Variants in RAB7A observed in about 807,000 individuals in gnomAD.
RAB7A encodes RAB7A, member RAS oncogene family, also known as ras-related protein Rab-7a.
RAB7A carries 2 observed loss-of-function variants against 24.5 expected under a neutral mutation model. The ratio of observed to expected loss-of-function variants is 0.08; its 90% CI spans 0.03 to 0.26. The LOEUF is 0.26. RAB7A is among the 10% of genes least tolerant of loss of function. RAB7A has a pLI of 1.00. For missense variants in RAB7A, 118 were observed against 255.7 expected, an observed-to-expected ratio of 0.46 and a Z score of 3.67; for synonymous variants, 100 against 95.9, an observed-to-expected ratio of 1.04 and a Z score of -0.25.
At chr3:128,766,099 G>T (rs1457340443) in intron 1 of RAB7A, among the ~76,000 whole-genome samples, 2 of 152,080 alleles carry the variant, frequency 1.3e-5, no homozygotes, top group African/African-American at 4.8e-5. Flanking sequence ...TGGGCCTTAG[G>T]CTCCAACATA....
Position 128,814,272 on chromosome 3 carries a change from G to C in RAB7A, c.*850G>C, listed in dbSNP as rs547405796. On this transcript the variant is annotated 3_prime_UTR_variant, in exon 6 of 6. Transcript: ENST00000265062. Reference sequence around the variant, plus strand: ...TTATCAAAGACTTAAGAGCCAAAAAGCTTTTCATCTCTCCAGGGGGAAAAC... The same window carrying C: ...TTATCAAAGACTTAAGAGCCAAAAACCTTTTCATCTCTCCAGGGGGAAAAC... 1.3e-5 allele frequency: 2 copies of C among 152,900 alleles called. No homozygotes were observed. The highest frequency in any genetic ancestry group is 4.8e-5 in the African/African-American group (2 of 41,442). The allele number at this position is 152,900 out of a possible 1,614,324, so 9.5% of individuals were successfully genotyped here. A position where few individuals can be genotyped will look rare whatever the true frequency, so the allele number is the denominator to read the frequency against.
chr3:128,754,816 A>G (rs536942561), intron 1 of RAB7A, among the ~76,000 whole-genome samples: 2 of 152,342 alleles, frequency 1.3e-5, no homozygotes, highest in South Asian at 2.1e-4. Context: ...AGGACATTAT[A>G]TATTAATAAA....
intron 1 of RAB7A, among the ~76,000 whole-genome samples, chr3:128,740,146 G>A (rs979545982): frequency 7.9e-5 from 12 of 152,252 alleles, no homozygotes; most frequent in African/African-American, 9.6e-5. Context: ...GGAGGCCGCC[G>A]AGATGGGTGG....
intron 1 of RAB7A, among the ~76,000 whole-genome samples, chr3:128,734,938 T>A (rs894568850): frequency 6.6e-6 from 1 of 152,226 alleles, no homozygotes; most frequent in Admixed American, 6.5e-5. Flanking sequence ...ATTACTAAGC[T>A]TTTGTTTAAA....
rs1933611271 is a variant in RAB7A at position 128,798,064 on chromosome 3, A to G, written c.175A>G (p.Met59Val). Residue 59 changes from methionine to valine, a missense_variant, in exon 3 of 6, where the codon ATG becomes GTG. Around this residue, in one of 2 missense-constraint regions of RAB7A, gnomAD observed 52 missense variants for 173.5 expected, o/e 0.30. Transcript: ENST00000265062. ...GATGGTGGATGACAGGCTAGTCACA[A>G]TGCAGGTAAGCACATGTCTTGGCTG... ...EVMVDDRLVTMQIWDTAGQER... is the reference protein window; with the variant it reads ...EVMVDDRLVTVQIWDTAGQER... The G allele has an allele frequency of 3.1e-6, 5 of 1,613,914 alleles. No individual in the cohort carries two copies. Among genetic ancestry groups the G allele is most frequent in the Admixed American group, 1.7e-5 (1 of 60,012 alleles).
At chr3:128,768,375 C>T (rs1343404178) in intron 1 of RAB7A, among the ~76,000 whole-genome samples, 2 of 152,122 alleles carry the variant, frequency 1.3e-5, no homozygotes, top group African/African-American at 4.8e-5. Flanking sequence ...ACAACAAAAG[C>T]TGCTGTGAAC....
At chr3:128,803,338 A>AC (rs1933737431) in intron 3 of RAB7A, among the ~76,000 whole-genome samples, 1 of 152,154 alleles carries the variant, frequency 6.6e-6, no homozygotes, top group African/African-American at 2.4e-5. Context: ...TCCCAGACTA[A>AC]CAAGAACAAA....
intron 1 of RAB7A, among the ~76,000 whole-genome samples, chr3:128,736,391 T>G (rs987636449): frequency 1.3e-5 from 2 of 152,248 alleles, no homozygotes; most frequent in Non-Finnish European, 2.9e-5. Flanking sequence ...CTGTTTCTTT[T>G]GAAACATAGA....
intron 1 of RAB7A, among the ~76,000 whole-genome samples, chr3:128,752,821 CTACAA>C (rs2070698997): frequency 2.7e-5 from 4 of 148,788 alleles, no homozygotes; most frequent in African/African-American, 1.0e-4. Flanking sequence ...CTGAAGTATG[CTACAA>C]CAGCCTTTTT....
chr3:128,789,790 GC>G (rs1933416251), intron 1 of RAB7A, among the ~76,000 whole-genome samples: 1 of 146,242 alleles, frequency 6.8e-6, no homozygotes. Flanking sequence ...TTTGTTCCTG[GC>G]TTTTTTTTTT....
At chr3:128,747,241 A>G (rs576629553) in intron 1 of RAB7A, among the ~76,000 whole-genome samples, 4 of 151,578 alleles carry the variant, frequency 2.6e-5, no homozygotes, top group African/African-American at 7.3e-5. Flanking sequence ...ACAGTGAGCT[A>G]TGATCCTGCC....
In RAB7A at chr3:128,780,366, C is replaced by T. The variant is rs543835021; in HGVS notation, c.-8-14994C>T. On this transcript the variant is annotated intron_variant, in intron 1 of 5. Coordinates refer to ENST00000265062, the MANE Select transcript of RAB7A (RefSeq NM_004637.6). The stretch of plus-strand genomic sequence containing the variant: ...GCCATTTTTTTCAACTCTGTGGAGG[C>T]GGTTTCAGAATTGTGTAGATGCCCT... Among the ~76,000 whole-genome samples, 10 of 152,226 alleles carry T rather than the reference C, an allele frequency of 6.6e-5. No individual in the cohort carries two copies. In the South Asian group the frequency reaches 1.5e-3, roughly 22 times the overall value.
At chr3:128,798,969 C>A in intron 3 of RAB7A, 1 of 187,082 alleles carries the variant, frequency 5.3e-6, no homozygotes, top group Non-Finnish European at 1.1e-5. Context: ...ATTATCCTGT[C>A]ATTTTTCTAG....
intron 1 of RAB7A, among the ~76,000 whole-genome samples, chr3:128,731,898 A>G (rs1336915217): frequency 1.3e-5 from 2 of 151,340 alleles, no homozygotes; most frequent in African/African-American, 2.4e-5. Flanking sequence ...CCAGCTATTC[A>G]GGAGGCTGAG....
At chr3:128,735,094 A>G (rs989304069) in intron 1 of RAB7A, among the ~76,000 whole-genome samples, 1 of 152,192 alleles carries the variant, frequency 6.6e-6, no homozygotes, top group African/African-American at 2.4e-5. Flanking sequence ...TCTCTACTAT[A>G]AGAAAACACT....
intron 1 of RAB7A, among the ~76,000 whole-genome samples, chr3:128,761,237 C>G (rs1394204959): frequency 1.3e-5 from 2 of 152,148 alleles, no homozygotes; most frequent in Non-Finnish European, 2.9e-5. Flanking sequence ...TCTTAAAGCC[C>G]TCATATAATG....
chr3:128,780,485 T>G (rs1933194856), intron 1 of RAB7A, among the ~76,000 whole-genome samples: 2 of 152,206 alleles, frequency 1.3e-5, no homozygotes, highest in Admixed American at 1.3e-4. Flanking sequence ...ATCTTGTACT[T>G]ACCAGCTTAT....
intron 1 of RAB7A, among the ~76,000 whole-genome samples, chr3:128,762,757 C>G (rs368575856): frequency 2.6e-5 from 4 of 152,168 alleles, no homozygotes; most frequent in African/African-American, 7.2e-5. Context: ...GAGCTTCTGC[C>G]TCAACTGTCC....
intron 3 of RAB7A, among the ~76,000 whole-genome samples, chr3:128,804,287 C>T (rs145169254): frequency 0.012 from 1,818 of 152,302 alleles, 31 homozygotes; most frequent in African/African-American, 0.039. Flanking sequence ...AAAACCCCTC[C>T]TATATACATA....
Sources: gnomAD v4.1 joint callset for allele counts (sites outside exome capture counted in the v4.1 genomes callset) on GRCh38, gnomAD v4.1.1 for gene constraint, gnomAD v4.1.1 regional missense constraint, MANE v1.5 for transcripts, NCBI Gene and HGNC (gene_info 2026-07-23, HGNC 2026-07-21) for gene names.